Variants in CCDC9B observed in about 807,000 individuals in gnomAD.
The protein encoded by CCDC9B is coiled-coil domain-containing protein 9B.
In CCDC9B, 40 loss-of-function variants were observed where a neutral mutation model predicts 47.2. The ratio of observed to expected loss-of-function variants is 0.85; its 90% CI spans 0.66 to 1.10. The LOEUF (loss-of-function observed/expected upper bound fraction) is 1.10, where lower values mean the gene tolerates loss of function less well. CCDC9B is among the 50% of genes least tolerant of loss of function. CCDC9B has a pLI of 0.00. For synonymous variants in CCDC9B, 238 were observed against 250.7 expected (o/e 0.95, Z 0.48); for missense variants, 662 against 651.0 (o/e 1.02, Z -0.18).
chr15:40,337,620 C>G (rs1020671997), intron 6 of CCDC9B, 104 bp downstream of exon 6: 11 of 1,350,172 alleles, frequency 8.1e-6, no homozygotes, highest in Non-Finnish European at 1.1e-5. Flanking sequence ...GAATGCCCAG[C>G]AAGGTCCTCT....
At chr15:40,338,337 C>A (rs1889012072) in intron 5 of CCDC9B, among the ~76,000 whole-genome samples, 198 bp downstream of exon 5, 1 of 152,254 alleles carries the variant, frequency 6.6e-6, no homozygotes. Flanking sequence ...TGGATCACAT[C>A]TTTGGCTTAA....
In CCDC9B at chr15:40,336,818, G is replaced by A. The variant is rs765272093; in HGVS notation, c.743-5C>T. 1.6e-5 allele frequency: 25 copies of A among 1,590,372 alleles called. No individual in the cohort carries two copies. Among genetic ancestry groups the A allele is most frequent in the South Asian group, 4.6e-5 (4 of 87,634 alleles). ...GTTTCTGGTGGCTCCTGGGACCTGC[G>A]GGGGACAAAAGAAGTGGGGAAAGGT... On this transcript the variant is annotated splice_polypyrimidine_tract_variant and splice_region_variant and intron_variant, in intron 7 of 10. Coordinates refer to ENST00000397536, the MANE Select transcript of CCDC9B (RefSeq NM_207380.3).
intron 10 of CCDC9B, 22 bp from the exon 11 acceptor site, chr15:40,335,722 G>A (rs143907877): frequency 8.7e-4 from 1,383 of 1,581,110 alleles, no homozygotes; most frequent in Admixed American, 2.4e-3. Flanking sequence ...GAATAGCCCC[G>A]GTGGCTGATG....
rs1888861561 is a variant in CCDC9B at position 40,331,543 on chromosome 15, C to T, written c.*3615G>A. 6.6e-6 allele frequency: 1 copy of T among 152,250 alleles called. No individual in the cohort carries two copies. The highest frequency in any genetic ancestry group is 6.5e-5 in the Admixed American group (1 of 15,274). 9.4% of individuals were successfully genotyped at this position (152,250 alleles called of 1,614,324 possible). A position where few individuals can be genotyped will look rare whatever the true frequency, so the allele number is the denominator to read the frequency against. On this transcript the variant is annotated 3_prime_UTR_variant, in exon 11 of 11. Transcript: ENST00000397536. ...CTGTTAAGACAGAGTCCAACTCCAA[C>T]TGCGGGCAGGTATGTTTTCCATACT...
chr15:40,335,696 C>A lies in CCDC9B; in HGVS notation c.935G>T (p.Ser312Ile), dbSNP rs371195085. ...ACTGGGAGTCTCTCTGGTGCTTTGG[C>A]TTCCCTGAAACAAGAGAATAGCCCC... ...DKEELEGQEG[S>I]QSTRETPSEE... Residue 312 changes from serine to isoleucine, a missense_variant, in exon 11 of 11, where the codon AGC becomes ATC. By Grantham distance (142) the Ser-to-Ile change is moderately radical (BLOSUM62 -2). Transcript: ENST00000397536. 11 of 1,563,504 alleles carry A rather than the reference C, an allele frequency of 7.0e-6. No individual in the cohort carries two copies. In the African/African-American group the frequency reaches 1.5e-4, roughly 21 times the overall value.
In CCDC9B at chr15:40,337,764, C is replaced by T. The variant is rs374761030; in HGVS notation, c.643G>A (p.Asp215Asn). 1.2e-6 allele frequency: 2 copies of T among 1,608,746 alleles called. No homozygotes were observed. The highest frequency in any genetic ancestry group is 1.3e-5 in the African/African-American group (1 of 74,886). The part of the protein sequence containing the change: ...RLARHRDAQG[D>N]WRRPWDLDKA... Reference sequence around the variant, plus strand: ...TCCAGGTCCCACGGGCGGCGCCAGTCACCCTGTGCGTCTCTGTGCCGGGCG... The same window carrying T: ...TCCAGGTCCCACGGGCGGCGCCAGTTACCCTGTGCGTCTCTGTGCCGGGCG... The change falls in exon 6 of 11, where the codon GAC becomes AAC. Residue 215 changes from aspartate to asparagine, a missense_variant. Transcript: ENST00000397536.
rs202100643 is a variant in CCDC9B at position 40,336,728 on chromosome 15, C to T, written c.796+32G>A. 1,366 of 1,600,796 alleles carry T rather than the reference C, an allele frequency of 8.5e-4. 4 individuals carry two copies. Among genetic ancestry groups the T allele is most frequent in the Middle Eastern group, 1.5e-3 (9 of 5,998 alleles). On this transcript the variant is annotated intron_variant, in intron 8 of 10. Transcript: ENST00000397536. ...AGCAGCCGGCTCCATCTTTAGCTGA[C>T]GAGACCTGGCCCCTCCTCCTCCCCA...
At chr15:40,337,663 G>T in intron 6 of CCDC9B, 61 bp downstream of exon 6, 1 of 1,518,870 alleles carries the variant, frequency 6.6e-7, no homozygotes. Flanking sequence ...AGCCCTCCCA[G>T]CAGTGCCCGA....
In CCDC9B at chr15:40,335,442, G is replaced by A; in HGVS notation, c.1189C>T (p.Leu397=). Residue 397 remains leucine, a synonymous_variant, in exon 11 of 11, where the codon CTG becomes TTG. Coordinates refer to ENST00000397536, the MANE Select transcript of CCDC9B (RefSeq NM_207380.3). Reference sequence around the variant, plus strand: ...GGGCTCTCCTGGGCCCCAGGCCTCAGACCGAGCACACACCCGCTCTCCCTG... The same window carrying A: ...GGGCTCTCCTGGGCCCCAGGCCTCAAACCGAGCACACACCCGCTCTCCCTG... ...GPRESGCVLG[L]RPGAQESPVS... The A allele has an allele frequency of 2.5e-6, 4 of 1,609,924 alleles. No individual in the cohort carries two copies. The highest frequency in any genetic ancestry group is 1.7e-6 in the Non-Finnish European group (2 of 1,178,442).
intron 1 of CCDC9B, chr15:40,340,547 G>A (rs775434445): frequency 1.8e-5 from 9 of 504,398 alleles, no homozygotes; most frequent in East Asian, 1.0e-4. Flanking sequence ...TCTCCAGGCC[G>A]AAAGCTGCTG....
Position 40,335,175 on chromosome 15 carries a change from G to T in CCDC9B, c.1456C>A (p.Pro486Thr). The T allele has an allele frequency of 1.3e-6, 2 of 1,510,088 alleles. No homozygotes were observed. The highest frequency in any genetic ancestry group is 8.9e-7 in the Non-Finnish European group (1 of 1,129,016). 93.5% of individuals were successfully genotyped at this position (1,510,088 alleles called of 1,614,324 possible). ...GVRRRTGRPG[P>T]AGRC Reference sequence around the variant, plus strand: ...AGCTGTGTTCAGCATCTTCCTGCCGGGCCAGGGCGCCCTGTCCTGCGCCTC... The same window carrying T: ...AGCTGTGTTCAGCATCTTCCTGCCGTGCCAGGGCGCCCTGTCCTGCGCCTC... Residue 486 changes from proline (P) to threonine (T), a missense_variant, in exon 11 of 11, where the codon CCG becomes ACG. Coordinates refer to ENST00000397536, the MANE Select transcript of CCDC9B (RefSeq NM_207380.3).
rs1170290027 is a variant in CCDC9B, at chr15:40,339,909, T to C, written c.119A>G (p.Tyr40Cys). 6.2e-7 allele frequency: 1 copy of C among 1,611,134 alleles called. No individual in the cohort carries two copies. The highest frequency in any genetic ancestry group is 1.1e-5 in the South Asian group (1 of 91,032). Residue 40 changes from tyrosine to cysteine, a missense_variant, in exon 2 of 11, where the codon TAC (tyrosine) becomes TGC (cysteine). Transcript: ENST00000397536. ...GCCCTGTGGCAGCCCACTCACCTGG[T>C]ACCTGCGGAGCAAGGCCTGGTTCTT... Reference protein sequence around the residue: ...RKKNQALLRRYQEIQEDRRQA... With the variant: ...RKKNQALLRRCQEIQEDRRQA...
At chr15:40,338,489 G>C (rs1160139860) in intron 5 of CCDC9B, 46 bp downstream of exon 5, 10 of 1,594,780 alleles carry the variant, frequency 6.3e-6, no homozygotes, top group Non-Finnish European at 8.6e-6. Flanking sequence ...CCTCCCCCAA[G>C]TGAGGACCTT....
chr15:40,340,223 G>A (rs1889060631), intron 1 of CCDC9B: 2 of 587,020 alleles, frequency 3.4e-6, no homozygotes, highest in Admixed American at 6.2e-5. Flanking sequence ...GCCTCCTCAG[G>A]GGGCTCAGGT....
At chr15:40,337,173 T>C (rs1888980260) in intron 7 of CCDC9B, 1 of 686,840 alleles carries the variant, frequency 1.5e-6, no homozygotes. Context: ...TCTGGGGCCT[T>C]CTGCTCAGAA....
chr15:40,337,269 C>T (rs773607205), intron 7 of CCDC9B, 119 bp downstream of exon 7: 9 of 958,052 alleles, frequency 9.4e-6, no homozygotes, highest in Admixed American at 1.9e-5. Context: ...GGAAGATGTT[C>T]TCCAACGCTT....
chr15:40,337,140 G>A (rs1244025141), intron 7 of CCDC9B: 1 of 638,090 alleles, frequency 1.6e-6, no homozygotes, highest in African/African-American at 1.8e-5. Context: ...AGAGACCCCG[G>A]GCCGGCTTCC....
Position 40,335,385 on chromosome 15 carries a change from G to T in CCDC9B, c.1246C>A (p.Pro416Thr), listed in dbSNP as rs1566907265. 8 of 1,613,220 alleles carry T rather than the reference G, an allele frequency of 5.0e-6. No individual in the cohort carries two copies. Among genetic ancestry groups the T allele is most frequent in the Non-Finnish European group, 6.8e-6 (8 of 1,179,892 alleles). ...GCCTGGTGATTGCTCCACCCCAGGG[G>T]CTGCTGCTTAGAGCCCTCTGGCCAA... ...VSWPEGSKQQ[P>T]LGWSNHQAEL... The change falls in exon 11 of 11, where the codon CCC (proline) becomes ACC (threonine). Residue 416 changes from proline (P) to threonine (T), a missense_variant. Transcript: ENST00000397536.
rs993602849 is a variant in CCDC9B, at chr15:40,337,839, C to G, written c.568G>C (p.Asp190His). Reference sequence around the variant, plus strand: ...CGCTCCTGCTTCCACTGGGCATAGTCCCAGCCCGCCTCCGGGGGCTCCCCC... The same window carrying G: ...CGCTCCTGCTTCCACTGGGCATAGTGCCAGCCCGCCTCCGGGGGCTCCCCC... ...PVGEPPEAGWDYAQWKQEREQ... is the reference protein window; with the variant it reads ...PVGEPPEAGWHYAQWKQEREQ... Residue 190 changes from aspartate to histidine, a missense_variant, in exon 6 of 11, where the codon GAC becomes CAC. Transcript: ENST00000397536. The G allele has an allele frequency of 1.2e-6, 2 of 1,609,398 alleles. No homozygotes were observed. The highest frequency in any genetic ancestry group is 1.7e-6 in the Non-Finnish European group (2 of 1,178,998).
Sources: allele counts gnomAD v4.1 joint callset (sites outside exome capture counted in the v4.1 genomes callset), GRCh38; gene constraint gnomAD v4.1.1; transcripts MANE v1.5; gene names NCBI Gene and HGNC (gene_info 2026-07-23, HGNC 2026-07-21).